Variants in LARP4B observed in about 807,000 individuals in gnomAD.
The protein encoded by LARP4B is la-related protein 4B.
A neutral mutation model predicts 89.8 loss-of-function variants in LARP4B; 12 were observed. The ratio of observed to expected loss-of-function variants is 0.13; its 90% confidence interval spans 0.09 to 0.22. The LOEUF (loss-of-function observed/expected upper bound fraction) is 0.22, where lower values mean the gene tolerates loss of function less well. Ranked by LOEUF, LARP4B falls within the 10% of genes least tolerant of loss-of-function variation. LARP4B has a pLI of 1.00. For missense variants in LARP4B, 757 were observed against 947.7 expected, an observed-to-expected ratio of 0.80 and a Z score of 2.64; for synonymous variants, 367 against 363.3, an observed-to-expected ratio of 1.01 and a Z score of -0.12.
intron 11 of LARP4B, 89 bp downstream of exon 11, chr10:829,296 T>C: frequency 9.0e-7 from 1 of 1,106,306 alleles, no homozygotes; most frequent in Non-Finnish European, 1.3e-6. Context: ...TGCACACATA[T>C]CTGGCTTCCT....
chr10:872,959 G>T, intron 3 of LARP4B: 1 of 931,972 alleles, frequency 1.1e-6, no homozygotes, highest in Non-Finnish European at 1.3e-6. Context: ...GCGCGCTAAC[G>T]CCAGCTACAC....
rs560433859 is a variant in LARP4B at position 915,362 on chromosome 10, A to G, written c.-40+16066T>C. ...TAAAATTTATTTTTCTCTTTTGAACAAGATGTTCATATAATATTAATGAGG... is the reference window on the plus strand; with the variant it reads ...TAAAATTTATTTTTCTCTTTTGAACGAGATGTTCATATAATATTAATGAGG... On this transcript the variant is annotated intron_variant, in intron 1 of 17. Coordinates refer to ENST00000316157, the MANE Select transcript of LARP4B (RefSeq NM_015155.3). Among the ~76,000 whole-genome samples the G allele has an allele frequency of 2.0e-5, 3 of 152,352 alleles. No homozygotes were observed. The East Asian group carries it at 5.8e-4, about 29-fold the overall frequency.
chr10:927,692 G>C (rs1837183212), intron 1 of LARP4B, among the ~76,000 whole-genome samples: 1 of 152,240 alleles, frequency 6.6e-6, no homozygotes, highest in East Asian at 1.9e-4. Context: ...CATAAGCAAG[G>C]AAACCCTTAC....
chr10:948,363 T>A, the LARP4B span, among the ~76,000 whole-genome samples: 2 of 152,008 alleles, frequency 1.3e-5, no homozygotes, highest in East Asian at 3.9e-4. Context: ...TCTCCTGCCT[T>A]AGCCTCCCAA....
chr10:908,121 C>T (rs1459362549), intron 1 of LARP4B, among the ~76,000 whole-genome samples: 2 of 152,146 alleles, frequency 1.3e-5, no homozygotes, highest in African/African-American at 2.4e-5. Context: ...CAGGAGAAAT[C>T]ACTTGAACAC....
At chr10:935,900 TTTTTTTGTTTG>T (rs1400030588), upstream of LARP4B, among the ~76,000 whole-genome samples, 7 of 150,646 alleles carry the variant, frequency 4.6e-5, no homozygotes, top group Non-Finnish European at 8.8e-5. Flanking sequence ...TGTTGTTTTT[TTTTTTTGTTTG>T]TTTTTTGTTT....
chr10:940,015 T>A, the LARP4B span, among the ~76,000 whole-genome samples: 3 of 144,418 alleles, frequency 2.1e-5, no homozygotes, highest in African/African-American at 7.8e-5. Context: ...CCGGCTAATT[T>A]TTTTTTTTTT....
intron 1 of LARP4B, among the ~76,000 whole-genome samples, chr10:907,490 G>A (rs537733044): frequency 6.6e-6 from 1 of 152,176 alleles, no homozygotes; most frequent in Admixed American, 6.5e-5. Context: ...GTGTGCACCT[G>A]GGATCTAAAC....
chr10:915,271 C>T (rs1251503499), intron 1 of LARP4B, among the ~76,000 whole-genome samples: 3 of 152,036 alleles, frequency 2.0e-5, no homozygotes, highest in East Asian at 3.9e-4. Context: ...GGCAACAGAG[C>T]AGACCCTGTC....
intron 3 of LARP4B, among the ~76,000 whole-genome samples, chr10:874,755 T>G (rs1046058913): frequency 6.6e-6 from 1 of 152,238 alleles, no homozygotes; most frequent in African/African-American, 2.4e-5. Flanking sequence ...TTAACATTTT[T>G]ATGATAAAAA....
chr10:983,079 G>A, the LARP4B span, among the ~76,000 whole-genome samples: 5 of 152,158 alleles, frequency 3.3e-5, no homozygotes, highest in East Asian at 1.9e-4. Context: ...TCATAGGTTC[G>A]GATTTTCTAA....
chr10:973,749 T>TG, the LARP4B span, among the ~76,000 whole-genome samples: 1 of 152,192 alleles, frequency 6.6e-6, no homozygotes, highest in African/African-American at 2.4e-5. Context: ...TTGCATGCTG[T>TG]AGTTAAGAGC....
intron 13 of LARP4B, among the ~76,000 whole-genome samples, chr10:821,279 C>T (rs569276239): frequency 1.8e-4 from 28 of 152,294 alleles, no homozygotes; most frequent in African/African-American, 5.5e-4. Flanking sequence ...CCCCAAATAC[C>T]GCGTCCCATC....
chr10:928,746 A>G (rs1588998297), intron 1 of LARP4B, among the ~76,000 whole-genome samples: 3 of 152,084 alleles, frequency 2.0e-5, no homozygotes, highest in African/African-American at 4.8e-5. Context: ...ATGCCTGGCT[A>G]ATTTTTTGAT....
At chr10:940,341 A>G in the LARP4B span, among the ~76,000 whole-genome samples, 1 of 152,170 alleles carries the variant, frequency 6.6e-6, no homozygotes, top group African/African-American at 2.4e-5. Flanking sequence ...TTTAGCAGAG[A>G]TGAGGTTTCA....
chr10:877,465 T>C (rs1835503542), intron 3 of LARP4B, among the ~76,000 whole-genome samples: 1 of 152,232 alleles, frequency 6.6e-6, no homozygotes, highest in Non-Finnish European at 1.5e-5. Flanking sequence ...TTTCTCTTTT[T>C]AAATGAAATA....
intron 3 of LARP4B, among the ~76,000 whole-genome samples, chr10:869,172 T>C (rs979855384): frequency 7.2e-5 from 11 of 152,188 alleles, no homozygotes; most frequent in African/African-American, 1.9e-4. Flanking sequence ...CAAGATTTCA[T>C]AGGCAGTTAA....
chr10:929,341 T>A (rs1211297086), intron 1 of LARP4B, among the ~76,000 whole-genome samples: 1 of 152,208 alleles, frequency 6.6e-6, no homozygotes, highest in Non-Finnish European at 1.5e-5. Flanking sequence ...ACTCCTGTAA[T>A]CCCAACACTT....
intron 3 of LARP4B, among the ~76,000 whole-genome samples, chr10:877,922 T>A (rs1443799147): frequency 1.3e-5 from 2 of 152,224 alleles, no homozygotes; most frequent in African/African-American, 4.8e-5. Flanking sequence ...TGCTAACTGC[T>A]ACACGTAAAG....
Sources: allele counts gnomAD v4.1 joint callset (sites outside exome capture counted in the v4.1 genomes callset), GRCh38; gene constraint gnomAD v4.1.1; transcripts MANE v1.5; gene names NCBI Gene and HGNC (gene_info 2026-07-23, HGNC 2026-07-21).